CACNA1B: variants seen among roughly 807,000 people sequenced by gnomAD.
The protein encoded by CACNA1B is voltage-dependent N-type calcium channel subunit alpha-1B.
In CACNA1B, 70 loss-of-function variants were observed where a neutral mutation model predicts 247.2. The ratio of observed to expected loss-of-function variants is 0.28; its 90% CI spans 0.23 to 0.35. CACNA1B has a LOEUF of 0.35. CACNA1B is among the 10% of genes least tolerant of loss of function. The pLI is 1.00. For missense variants in CACNA1B, 2,367 were observed against 3,197.4 expected (o/e 0.74, Z 6.26); for synonymous variants, 1,231 against 1,294.4 (o/e 0.95, Z 1.05).
chr9:137,954,367 C>A lies in CACNA1B; in HGVS notation c.1071-1331C>A, dbSNP rs1957919243. Among the ~76,000 whole-genome samples the A allele has an allele frequency of 6.6e-6, 1 of 152,238 alleles. No homozygotes were observed. ...TCCATTCCCAGAGCTCCCATCCTCA[C>A]AGCATCCCAGAGAAGCAGAAGAGGT... On this transcript the variant is annotated intron_variant, in intron 7 of 46. Transcript: ENST00000371372. This position sits in a 1 kb window ranked among gnomAD's most constrained non-coding sequence, Gnocchi z 4.1.
chr9:138,077,734 A>G (rs1354264965), intron 35 of CACNA1B, among the ~76,000 whole-genome samples: 4 of 152,164 alleles, frequency 2.6e-5, no homozygotes, highest in Admixed American at 6.5e-5. Flanking sequence ...GGAGGCAAAG[A>G]TGACCCCCAC....
intron 39 of CACNA1B, among the ~76,000 whole-genome samples, chr9:138,106,827 T>G (rs1028230475): frequency 6.6e-6 from 1 of 152,182 alleles, no homozygotes; most frequent in Admixed American, 6.5e-5. Flanking sequence ...TCTAATGCCC[T>G]GCTCTTGAGA....
chr9:137,927,245 CTTT>C (rs71387876), intron 6 of CACNA1B, among the ~76,000 whole-genome samples: 35 of 136,390 alleles, frequency 2.6e-4, no homozygotes, highest in Non-Finnish European at 3.5e-4. Flanking sequence ...CTTTCTTCTT[CTTT>C]TTTTTTTTTT....
chr9:138,094,508 A>G (rs1960996167), intron 36 of CACNA1B, among the ~76,000 whole-genome samples: 1 of 151,696 alleles, frequency 6.6e-6, no homozygotes, highest in Non-Finnish European at 1.5e-5. Flanking sequence ...AATATACAAG[A>G]GGAGGAAACA....
chr9:137,978,400 G>GC (rs1476648338), intron 12 of CACNA1B, among the ~76,000 whole-genome samples: 31 of 103,254 alleles, frequency 3.0e-4, no homozygotes, highest in East Asian at 2.6e-3. Flanking sequence ...GTACTACCCT[G>GC]CCCCCCCCAG....
At chr9:138,017,676 C>G (rs895656449) in intron 18 of CACNA1B, among the ~76,000 whole-genome samples, 2 of 152,224 alleles carry the variant, frequency 1.3e-5, no homozygotes, top group Admixed American at 1.3e-4. Flanking sequence ...AGTCCTTGTT[C>G]TAGCAAGAGC....
Position 137,929,913 on chromosome 9 carries a change from G to A in CACNA1B, c.966+12482G>A, listed in dbSNP as rs183655062. Among the ~76,000 whole-genome samples, 457 of 152,144 alleles carry A rather than the reference G, an allele frequency of 3.0e-3. 3 individuals are homozygous for A. Among genetic ancestry groups the A allele is most frequent in the African/African-American group, 0.011 (442 of 41,534 alleles). On this transcript the variant is annotated intron_variant, in intron 6 of 46. Coordinates refer to ENST00000371372, the MANE Select transcript of CACNA1B (RefSeq NM_000718.4). ...AGGCGATTCTCCCTCCTCAGCCTCCGAAGTAGCAAGGACCACACGCGCATG... is the reference window on the plus strand; with the variant it reads ...AGGCGATTCTCCCTCCTCAGCCTCCAAAGTAGCAAGGACCACACGCGCATG...
Position 138,054,098 on chromosome 9 carries a change from C to A in CACNA1B, c.3968+92C>A. On this transcript the variant is annotated intron_variant, in intron 26 of 46. Transcript: ENST00000371372. The surrounding 1 kb of genome is among the most constrained non-coding windows in gnomAD (Gnocchi z 4.6). Reference sequence around the variant, plus strand: ...TTGGGACCAGGTGGAGCTGGTCACACGGCGTGGGAGACTCCACTGCAGAGC... The same window carrying A: ...TTGGGACCAGGTGGAGCTGGTCACAAGGCGTGGGAGACTCCACTGCAGAGC... 6 of 1,238,528 alleles carry A rather than the reference C, an allele frequency of 4.8e-6. No individual in the cohort carries two copies. Among genetic ancestry groups the A allele is most frequent in the Middle Eastern group, 2.4e-4 (1 of 4,164 alleles). The allele number at this position is 1,238,528 out of a possible 1,614,324, so 76.7% of individuals were successfully genotyped here.
chr9:138,077,168 C>T (rs1402041037), intron 35 of CACNA1B, among the ~76,000 whole-genome samples: 1 of 152,188 alleles, frequency 6.6e-6, no homozygotes, highest in Non-Finnish European at 1.5e-5. Flanking sequence ...CTGCAGGAAC[C>T]CCCCTGCCTC....
At chr9:138,076,547 G>A (rs1264121280) in intron 35 of CACNA1B, among the ~76,000 whole-genome samples, 1 of 152,196 alleles carries the variant, frequency 6.6e-6, no homozygotes, top group Non-Finnish European at 1.5e-5. Flanking sequence ...CACAAGCTTC[G>A]GGGCCTTCTG....
intron 18 of CACNA1B, among the ~76,000 whole-genome samples, chr9:138,017,458 G>A (rs190054275): frequency 6.6e-6 from 1 of 152,314 alleles, no homozygotes; most frequent in East Asian, 1.9e-4. Context: ...TCTGCTGCCT[G>A]TTGTGTCCGC....
intron 20 of CACNA1B, among the ~76,000 whole-genome samples, chr9:138,026,216 C>G (rs1436928792): frequency 1.3e-5 from 2 of 152,214 alleles, no homozygotes; most frequent in Non-Finnish European, 2.9e-5. Flanking sequence ...ATGGAAGACA[C>G]AGCCTCTAAC....
chr9:137,984,524 A>G (rs1262699196), intron 13 of CACNA1B, among the ~76,000 whole-genome samples: 1 of 151,988 alleles, frequency 6.6e-6, no homozygotes, highest in African/African-American at 2.4e-5. Context: ...CTGTCTTGAA[A>G]CCACCACCCC....
intron 20 of CACNA1B, among the ~76,000 whole-genome samples, chr9:138,030,247 G>A (rs1394324972): frequency 6.6e-6 from 1 of 150,418 alleles, no homozygotes; most frequent in African/African-American, 2.4e-5. Flanking sequence ...TTTGGTAGAT[G>A]TTCTTTATCA....
chr9:138,011,697 G>T lies in CACNA1B; in HGVS notation c.2161-1432G>T, dbSNP rs1474695131. On this transcript the variant is annotated intron_variant, in intron 17 of 46. Transcript: ENST00000371372. This position sits in a 1 kb window ranked among gnomAD's most constrained non-coding sequence, Gnocchi z 4.2. ...ATCTGCGAGGAGGGACCTGGGTGTG[G>T]GTGTTTCACGCTGGGTCTGGCTTTG... Among the ~76,000 whole-genome samples, 1 of 152,154 alleles carries T rather than the reference G, an allele frequency of 6.6e-6. No individual in the cohort carries two copies. Among genetic ancestry groups the T allele is most frequent in the African/African-American group, 2.4e-5 (1 of 41,428 alleles).
At chr9:138,078,709 C>G (rs1013793985) in intron 36 of CACNA1B, among the ~76,000 whole-genome samples, 3 of 152,124 alleles carry the variant, frequency 2.0e-5, no homozygotes, top group African/African-American at 7.2e-5. Flanking sequence ...CAGCTTGGCT[C>G]TGGCTTCTGT....
At chr9:137,988,583 C>T (rs1958395340) in intron 15 of CACNA1B, among the ~76,000 whole-genome samples, 1 of 152,120 alleles carries the variant, frequency 6.6e-6, no homozygotes, top group Admixed American at 6.5e-5. Flanking sequence ...AAAAAAAATA[C>T]ACTTAGAAAA....
intron 15 of CACNA1B, among the ~76,000 whole-genome samples, chr9:138,003,246 A>G (rs1203001022): frequency 6.7e-6 from 1 of 150,050 alleles, no homozygotes; most frequent in East Asian, 2.0e-4. Context: ...GTACAGTGGC[A>G]TGATCATAGC....
chr9:137,980,718 T>C (rs188229251), intron 12 of CACNA1B, among the ~76,000 whole-genome samples: 1 of 152,328 alleles, frequency 6.6e-6, no homozygotes, highest in East Asian at 1.9e-4. Flanking sequence ...TTTGTGTCCA[T>C]GTGTATCCTT....
Sources: allele counts gnomAD v4.1 joint callset (sites outside exome capture counted in the v4.1 genomes callset), GRCh38; gene constraint gnomAD v4.1.1; non-coding constraint Gnocchi (gnomAD v3.1); transcripts MANE v1.5; gene names NCBI Gene and HGNC (gene_info 2026-07-23, HGNC 2026-07-21).